ADAMTSL3: variants seen among roughly 807,000 people sequenced by gnomAD.
The protein encoded by ADAMTSL3 is ADAMTS like 3.
A neutral mutation model predicts 201.7 loss-of-function variants in ADAMTSL3; 128 were observed. The ratio of observed to expected loss-of-function variants is 0.63; its 90% CI spans 0.55 to 0.73. ADAMTSL3 has a LOEUF of 0.73. ADAMTSL3 is among the 30% of genes least tolerant of loss of function. The pLI is 0.00. For synonymous variants in ADAMTSL3, 738 were observed against 748.4 expected (o/e 0.99, Z 0.23); for missense variants, 1,990 against 2,119.6 (o/e 0.94, Z 1.20).
chr15:83,749,678 GT>G (rs1319448320), intron 3 of ADAMTSL3, among the ~76,000 whole-genome samples: 2 of 152,294 alleles, frequency 1.3e-5, no homozygotes, highest in Non-Finnish European at 2.9e-5. Flanking sequence ...GTGAAATTGT[GT>G]TTTAAAGGGA....
In ADAMTSL3 at chr15:83,963,553, T is replaced by A. The variant is rs1034203775; in HGVS notation, c.2491-6931T>A. ...TCCCATCTCCCTGGGACAGAGTACC[T>A]GGGGGAAGGGGCAGCTGTGGGTGCA... On this transcript the variant is annotated intron_variant, in intron 19 of 29. Coordinates refer to ENST00000286744, the MANE Select transcript of ADAMTSL3 (RefSeq NM_207517.3). 6.6e-5 allele frequency among the ~76,000 whole-genome samples: 10 copies of A among 152,230 alleles called. No individual in the cohort carries two copies. The South Asian group carries it at 2.1e-3, about 32-fold the overall frequency.
At chr15:83,956,469 G>A (rs962537329) in intron 19 of ADAMTSL3, among the ~76,000 whole-genome samples, 1 of 152,198 alleles carries the variant, frequency 6.6e-6, no homozygotes, top group Admixed American at 6.5e-5. Context: ...GGTAGTGGGA[G>A]TAGGGGGATG....
rs747769897 is a variant in ADAMTSL3 at position 83,913,143 on chromosome 15, G to C, written c.1752G>C (p.Val584=). ...GCAGTACCACGTGTGGGCCGGGTGTGCAGGTCCGTGAGGTGAAGTGCCGTG... is the reference window on the plus strand; with the variant it reads ...GCAGTACCACGTGTGGGCCGGGTGTCCAGGTCCGTGAGGTGAAGTGCCGTG... The part of the protein sequence containing the change: ...SACSTTCGPG[V]QVREVKCRVL... The change falls in exon 16 of 30, where the codon GTG becomes GTC. Residue 584 remains valine, a synonymous_variant. Coordinates refer to ENST00000286744, the MANE Select transcript of ADAMTSL3 (RefSeq NM_207517.3). The C allele has an allele frequency of 1.4e-5, 22 of 1,614,046 alleles. No individual in the cohort carries two copies. Among genetic ancestry groups the C allele is most frequent in the Non-Finnish European group, 8.5e-6 (10 of 1,180,042 alleles).
rs541971252 is a variant in ADAMTSL3 at position 83,708,643 on chromosome 15, G to A, written c.189+4135G>A. On this transcript the variant is annotated intron_variant, in intron 3 of 29. Transcript: ENST00000286744. ...TCTAACAGAACTATTTAACGTTTTG[G>A]ACTTTGGATTCTTTATTTCTTTTAA... Among the ~76,000 whole-genome samples, 4 of 152,246 alleles carry A rather than the reference G, an allele frequency of 2.6e-5. No individual in the cohort carries two copies. The East Asian group carries it at 5.8e-4, about 22-fold the overall frequency.
chr15:83,782,293 A>G (rs766544346), intron 4 of ADAMTSL3, among the ~76,000 whole-genome samples: 2 of 152,088 alleles, frequency 1.3e-5, no homozygotes. Context: ...CCCGGCAAAC[A>G]TGGTGAAACC....
At chr15:83,763,261 A>T (rs889292112) in intron 3 of ADAMTSL3, among the ~76,000 whole-genome samples, 2 of 152,214 alleles carry the variant, frequency 1.3e-5, no homozygotes, top group Admixed American at 6.5e-5. Context: ...AGGCCAGGAA[A>T]ATAATACGAA....
At chr15:83,784,629 T>C (rs575122647) in intron 4 of ADAMTSL3, among the ~76,000 whole-genome samples, 1 of 152,214 alleles carries the variant, frequency 6.6e-6, no homozygotes, top group Non-Finnish European at 1.5e-5. Context: ...AATTTTTCCC[T>C]GAAATTTTAC....
chr15:83,933,041 A>G (rs2066391332), intron 17 of ADAMTSL3, among the ~76,000 whole-genome samples: 1 of 152,236 alleles, frequency 6.6e-6, no homozygotes, highest in Non-Finnish European at 1.5e-5. Context: ...ACCATCTGAA[A>G]CTTTCTATTT....
At chr15:83,790,768 C>A (rs994845972) in intron 4 of ADAMTSL3, among the ~76,000 whole-genome samples, 6 of 152,114 alleles carry the variant, frequency 3.9e-5, no homozygotes, top group Non-Finnish European at 8.8e-5. Context: ...AAGAAATCTA[C>A]AAGGTAACTT....
intron 7 of ADAMTSL3, 128 bp from the exon 8 acceptor site, chr15:83,858,638 G>A: frequency 1.4e-6 from 1 of 695,394 alleles, no homozygotes; most frequent in Non-Finnish European, 2.4e-6. Flanking sequence ...CTCCTGAAGT[G>A]CTAGGATTAC....
chr15:83,710,122 A>G (rs2061913228), intron 3 of ADAMTSL3, among the ~76,000 whole-genome samples: 1 of 152,198 alleles, frequency 6.6e-6, no homozygotes, highest in Admixed American at 6.5e-5. Flanking sequence ...TTAACCAAGG[A>G]TAATCCCACT....
chr15:83,821,285 C>T (rs573459393), intron 6 of ADAMTSL3, among the ~76,000 whole-genome samples: 4 of 148,662 alleles, frequency 2.7e-5, no homozygotes, highest in East Asian at 2.0e-4. Context: ...GGGTGTTTCT[C>T]GCAGAGGGGG....
intron 5 of ADAMTSL3, among the ~76,000 whole-genome samples, chr15:83,809,137 G>A (rs1468574437): frequency 1.3e-5 from 2 of 152,040 alleles, no homozygotes; most frequent in Non-Finnish European, 2.9e-5. Flanking sequence ...AGAGGATCTC[G>A]AATGTTCCCA....
intron 6 of ADAMTSL3, among the ~76,000 whole-genome samples, chr15:83,823,786 T>C (rs2141927988): frequency 2.6e-5 from 4 of 152,308 alleles, no homozygotes; most frequent in Middle Eastern, 6.8e-3. Flanking sequence ...GGCTTGTCCT[T>C]GCATTAATGA....
At chr15:83,844,738 TTTTG>T (rs1160698576) in intron 7 of ADAMTSL3, among the ~76,000 whole-genome samples, 19 of 152,264 alleles carry the variant, frequency 1.2e-4, no homozygotes, top group Middle Eastern at 6.8e-3. Flanking sequence ...TTTTGCATGG[TTTTG>T]TTTGTCTTCT....
At chr15:83,690,359 C>T (rs547627161) in intron 2 of ADAMTSL3, among the ~76,000 whole-genome samples, 1 of 152,312 alleles carries the variant, frequency 6.6e-6, no homozygotes, top group African/African-American at 2.4e-5. Context: ...CTTCTCCCAA[C>T]TTCCCCCACA....
intron 25 of ADAMTSL3, among the ~76,000 whole-genome samples, chr15:84,019,408 A>G (rs2141906915): frequency 6.6e-6 from 1 of 152,286 alleles, no homozygotes; most frequent in Non-Finnish European, 1.5e-5. Flanking sequence ...TTTACCCGAA[A>G]AAAAAAATGT....
chr15:83,764,388 C>G (rs2141716343), intron 3 of ADAMTSL3, among the ~76,000 whole-genome samples: 1 of 152,242 alleles, frequency 6.6e-6, no homozygotes, highest in South Asian at 2.1e-4. Flanking sequence ...CCACCCTTCC[C>G]TGCCCCGCGC....
At chr15:83,837,979 G>A (rs192578274) in intron 6 of ADAMTSL3, 110 bp from the exon 7 acceptor site, 1 of 1,352,924 alleles carries the variant, frequency 7.4e-7, no homozygotes, top group Non-Finnish European at 1.0e-6. Flanking sequence ...TCATAAAAGA[G>A]AGCCAAACTG....
Sources: allele counts gnomAD v4.1 joint callset (sites outside exome capture counted in the v4.1 genomes callset), GRCh38; gene constraint gnomAD v4.1.1; transcripts MANE v1.5; gene names NCBI Gene and HGNC (gene_info 2026-07-23, HGNC 2026-07-21).